CACNA2D1: variants seen among roughly 807,000 people sequenced by gnomAD.
CACNA2D1 encodes calcium voltage-gated channel auxiliary subunit alpha2delta 1.
Under a neutral mutation model 171.5 loss-of-function variants are expected in CACNA2D1, and 53 were observed. That is an observed-to-expected ratio of 0.31 (90% CI 0.25 to 0.39). CACNA2D1 has a LOEUF of 0.39. CACNA2D1 is among the 10% of genes least tolerant of loss of function. CACNA2D1 has a pLI of 1.00. For synonymous variants in CACNA2D1, 442 were observed against 443.1 expected, an observed-to-expected ratio of 1.00 and a Z score of 0.03; for missense variants, 903 against 1,299.8, an observed-to-expected ratio of 0.69 and a Z score of 4.69.
chr7:82,153,452 T>C (rs1554434369), intron 4 of CACNA2D1, among the ~76,000 whole-genome samples: 1 of 152,082 alleles, frequency 6.6e-6, no homozygotes, highest in Non-Finnish European at 1.5e-5. Context: ...CAAATTTCCA[T>C]TAAGTAGAAG....
intron 4 of CACNA2D1, among the ~76,000 whole-genome samples, chr7:82,169,645 T>C (rs1795817226): frequency 6.6e-6 from 1 of 152,008 alleles, no homozygotes; most frequent in Non-Finnish European, 1.5e-5. Context: ...ACCTTCAAAT[T>C]TGAGACTTTT....
At chr7:81,995,417 T>C (rs372572772) in intron 19 of CACNA2D1, among the ~76,000 whole-genome samples, 1 of 152,100 alleles carries the variant, frequency 6.6e-6, no homozygotes, top group East Asian at 1.9e-4. Flanking sequence ...AAAATCTAAA[T>C]AAAGGACAGA....
chr7:82,398,477 A>G (rs1825977402), intron 1 of CACNA2D1, among the ~76,000 whole-genome samples: 1 of 152,198 alleles, frequency 6.6e-6, no homozygotes, highest in Non-Finnish European at 1.5e-5. Flanking sequence ...CAGAATTGAA[A>G]TGCTGTTGTT....
At chr7:81,959,860 G>T in intron 36 of CACNA2D1, 31 bp from the exon 37 acceptor site, 1 of 1,602,740 alleles carries the variant, frequency 6.2e-7, no homozygotes, top group Non-Finnish European at 8.5e-7. Context: ...CATAGAAAAT[G>T]AGTATCTTTT....
intron 10 of CACNA2D1, among the ~76,000 whole-genome samples, chr7:82,055,950 T>C (rs1350277056): frequency 1.1e-5 from 1 of 94,980 alleles, no homozygotes; most frequent in Non-Finnish European, 2.2e-5. Context: ...ATATATATAA[T>C]TTTTTAAAAA....
At chr7:82,412,384 G>A (rs369240816) in intron 1 of CACNA2D1, among the ~76,000 whole-genome samples, 1 of 149,454 alleles carries the variant, frequency 6.7e-6, no homozygotes, top group Non-Finnish European at 1.5e-5. Flanking sequence ...CAGGGTTCAA[G>A]CGATTCTCCT....
At chr7:82,389,470 C>T (rs1433537651) in intron 1 of CACNA2D1, among the ~76,000 whole-genome samples, 2 of 152,238 alleles carry the variant, frequency 1.3e-5, no homozygotes, top group East Asian at 3.9e-4. Context: ...GAGTTCTTCA[C>T]TTCCATTCTT....
intron 19 of CACNA2D1, among the ~76,000 whole-genome samples, chr7:81,995,392 T>C (rs1289188806): frequency 1.3e-5 from 2 of 152,174 alleles, no homozygotes; most frequent in East Asian, 1.9e-4. Flanking sequence ...GTAATTCTTA[T>C]ATCTGGGTAC....
chr7:82,301,552 G>A (rs111609776), intron 3 of CACNA2D1, among the ~76,000 whole-genome samples: 18 of 151,680 alleles, frequency 1.2e-4, no homozygotes, highest in Admixed American at 8.5e-4. Context: ...CATACACAAC[G>A]AAAAAAGAGT....
intron 19 of CACNA2D1, 118 bp from the exon 20 acceptor site, chr7:81,995,057 AT>A: frequency 1.6e-6 from 1 of 613,982 alleles, no homozygotes; most frequent in Non-Finnish European, 3.0e-6. Context: ...TAAAATAAAA[AT>A]AGGGGGTTAG....
At chr7:82,418,040 A>G (rs1433212642) in intron 1 of CACNA2D1, among the ~76,000 whole-genome samples, 1 of 152,220 alleles carries the variant, frequency 6.6e-6, no homozygotes, top group African/African-American at 2.4e-5. Context: ...TGGGTAATTT[A>G]TAAAGGAAAG....
chr7:82,125,526 A>C (rs1005498334), intron 5 of CACNA2D1, among the ~76,000 whole-genome samples: 2 of 152,200 alleles, frequency 1.3e-5, no homozygotes, highest in Non-Finnish European at 1.5e-5. Context: ...GATAATTGTT[A>C]CATTGCTAGC....
chr7:81,988,842 C>T, intron 21 of CACNA2D1, among the ~76,000 whole-genome samples: 1 of 152,028 alleles, frequency 6.6e-6, no homozygotes, highest in East Asian at 1.9e-4. Flanking sequence ...CAATCCCTGC[C>T]CTCTTGGAAC....
At chr7:82,252,461 A>G (rs551627857) in intron 3 of CACNA2D1, among the ~76,000 whole-genome samples, 2 of 152,224 alleles carry the variant, frequency 1.3e-5, no homozygotes, top group Non-Finnish European at 2.9e-5. Context: ...TATTAAGCAT[A>G]TATTTATTGA....
chr7:82,303,636 T>C (rs73164274), intron 3 of CACNA2D1, among the ~76,000 whole-genome samples: 3,455 of 152,234 alleles, frequency 0.023, 43 homozygotes, highest in Non-Finnish European at 0.034. Flanking sequence ...TAAATCCACC[T>C]GTTTACAGCC....
At chr7:82,162,391 A>G (rs568922864) in intron 4 of CACNA2D1, among the ~76,000 whole-genome samples, 2 of 152,188 alleles carry the variant, frequency 1.3e-5, no homozygotes, top group South Asian at 2.1e-4. Flanking sequence ...AGAAGATAGC[A>G]TAAGAAAGAA....
Position 82,012,254 on chromosome 7 carries a change from G to GAAAAAAAA in CACNA2D1, c.1273-19_1273-12dup. ...AACATCCAAATATTCCTGTTTATGG[G>GAAAAAAAA]AAAAAAAAAAAAAGTCGTGGTTAAA... On this transcript the variant is annotated splice_polypyrimidine_tract_variant and intron_variant, in intron 14 of 38. Coordinates refer to ENST00000356860, the MANE Select transcript of CACNA2D1 (RefSeq NM_000722.4). The GAAAAAAAA allele has an allele frequency of 4.9e-6, 6 of 1,223,342 alleles. No individual in the cohort carries two copies. The highest frequency in any genetic ancestry group is 1.3e-5 in the South Asian group (1 of 78,340). The allele number at this position is 1,223,342 out of a possible 1,614,324, so 75.8% of individuals were successfully genotyped here.
intron 1 of CACNA2D1, among the ~76,000 whole-genome samples, chr7:82,408,033 T>G (rs1827247201): frequency 6.6e-6 from 1 of 151,526 alleles, no homozygotes; most frequent in Non-Finnish European, 1.5e-5. Flanking sequence ...TTTTTTTTTT[T>G]TTTTTGAGAC....
At chr7:82,248,384 C>A (rs79823797) in intron 3 of CACNA2D1, among the ~76,000 whole-genome samples, 4,973 of 152,166 alleles carry the variant, frequency 0.033, 259 homozygotes, top group African/African-American at 0.11. Flanking sequence ...CTCTTTAACC[C>A]ACACAGAAAC....
Sources: gnomAD v4.1 joint callset for allele counts (sites outside exome capture counted in the v4.1 genomes callset) on GRCh38, gnomAD v4.1.1 for gene constraint, MANE v1.5 for transcripts, NCBI Gene and HGNC (gene_info 2026-07-23, HGNC 2026-07-21) for gene names.